Variants in AKAP7 observed in about 807,000 individuals in gnomAD.
AKAP7 encodes the protein A-kinase anchoring protein 7, also known as A kinase (PRKA) anchor protein 7.
In AKAP7, 39 loss-of-function variants were observed where a neutral mutation model predicts 39.5. That is an observed-to-expected ratio of 0.99 (90% CI 0.76 to 1.29). The LOEUF is 1.29. AKAP7 is among the 50% of genes most tolerant of loss of function. The pLI, the probability that AKAP7 is intolerant of heterozygous loss-of-function variation, is 0.00. For synonymous variants in AKAP7, 140 were observed against 139.1 expected, an observed-to-expected ratio of 1.01 and a Z score of -0.05; for missense variants, 414 against 407.7, an observed-to-expected ratio of 1.02 and a Z score of -0.13.
intron 5 of AKAP7, among the ~76,000 whole-genome samples, chr6:131,179,669 A>G (rs1337006338): frequency 6.6e-6 from 1 of 152,104 alleles, no homozygotes; most frequent in East Asian, 1.9e-4. Context: ...GCGGTTTAAG[A>G]CCAGCCTAGG....
At chr6:131,263,498 G>C (rs1813533081) in intron 7 of AKAP7, among the ~76,000 whole-genome samples, 1 of 152,222 alleles carries the variant, frequency 6.6e-6, no homozygotes, top group African/African-American at 2.4e-5. Context: ...CTGTGAGGCA[G>C]TATACACATT....
At chr6:131,193,155 C>T (rs1275682415) in intron 5 of AKAP7, among the ~76,000 whole-genome samples, 1 of 151,884 alleles carries the variant, frequency 6.6e-6, no homozygotes, top group Non-Finnish European at 1.5e-5. Context: ...TGTTATGTTC[C>T]AGATGTTAAG....
intron 7 of AKAP7, among the ~76,000 whole-genome samples, chr6:131,257,131 A>G (rs972360616): frequency 6.6e-6 from 1 of 152,132 alleles, no homozygotes; most frequent in Non-Finnish European, 1.5e-5. Flanking sequence ...GCTAATGCCT[A>G]TAAAATTCCT....
intron 5 of AKAP7, chr6:131,184,311 G>GA (rs1554207094): frequency 1.9e-6 from 1 of 531,348 alleles, no homozygotes. Context: ...TCGGGGAGCA[G>GA]GGGGGTGGCT....
At chr6:131,230,749 CCA>C (rs1810560472) in intron 7 of AKAP7, among the ~76,000 whole-genome samples, 1 of 151,928 alleles carries the variant, frequency 6.6e-6, no homozygotes, top group East Asian at 1.9e-4. Context: ...GAGAAAAGAT[CCA>C]TTAAAAATTC....
upstream of AKAP7, among the ~76,000 whole-genome samples, chr6:131,132,314 G>GAAAA (rs11307437): frequency 1.4e-5 from 2 of 143,424 alleles, no homozygotes. Flanking sequence ...TTCCGTCTCA[G>GAAAA]AAAAAAAAAA....
intron 7 of AKAP7, among the ~76,000 whole-genome samples, chr6:131,274,480 TTC>T (rs1193674202): frequency 1.3e-5 from 2 of 152,098 alleles, no homozygotes; most frequent in Non-Finnish European, 2.9e-5. Context: ...TCCTCATTGT[TTC>T]TCTTTTTATC....
At chr6:131,165,783 A>G (rs1025262856) in intron 4 of AKAP7, among the ~76,000 whole-genome samples, 17 of 152,116 alleles carry the variant, frequency 1.1e-4, no homozygotes, top group Non-Finnish European at 4.4e-5. Flanking sequence ...AAGGTTGAAG[A>G]CAACTCATTG....
chr6:131,230,279 A>G (rs1810524023), intron 7 of AKAP7, among the ~76,000 whole-genome samples: 1 of 152,084 alleles, frequency 6.6e-6, no homozygotes, highest in South Asian at 2.1e-4. Context: ...ACTTTTTATT[A>G]ATAGATATTC....
Position 131,199,570 on chromosome 6 carries a change from GA to G in AKAP7, c.701del (p.Asn234MetfsTer3), listed in dbSNP as rs754636604. The G allele has an allele frequency of 6.3e-7, 1 of 1,590,634 alleles. No homozygotes were observed. The highest frequency in any genetic ancestry group is 2.2e-5 in the East Asian group (1 of 44,784). ...KLSKSPWLRKNGVKKIDPDLY... is the reference protein window; with the variant it reads ...KLSKSPWLRKXGVKKIDPDLY... ...TGTCAAAATCACCGTGGCTCCGTAA[GA>G]ATGTGAGTGCATGTTCTTATTGCAA... On this transcript the variant is annotated frameshift_variant and splice_region_variant, in exon 6 of 8. Coordinates refer to ENST00000431975, the MANE Select transcript of AKAP7 (RefSeq NM_016377.4). LOFTEE classifies it high-confidence loss of function.
At chr6:131,267,877 C>T (rs752027730) in intron 7 of AKAP7, among the ~76,000 whole-genome samples, 1 of 152,110 alleles carries the variant, frequency 6.6e-6, no homozygotes, top group African/African-American at 2.4e-5. Flanking sequence ...TGTGTTTCTA[C>T]CTGTACTGAA....
chr6:131,178,753 C>T (rs747133932), intron 5 of AKAP7, among the ~76,000 whole-genome samples: 5 of 152,134 alleles, frequency 3.3e-5, no homozygotes, highest in Non-Finnish European at 7.4e-5. Flanking sequence ...TTTGACCTGT[C>T]TGGGAAACAC....
At chr6:131,254,099 A>G (rs1812664352) in intron 7 of AKAP7, among the ~76,000 whole-genome samples, 1 of 152,144 alleles carries the variant, frequency 6.6e-6, no homozygotes, top group Non-Finnish European at 1.5e-5. Flanking sequence ...TTTTTTGTTT[A>G]AATCTTGGAA....
chr6:131,205,307 G>A (rs1286055114), intron 6 of AKAP7, among the ~76,000 whole-genome samples: 1 of 151,818 alleles, frequency 6.6e-6, no homozygotes, highest in Non-Finnish European at 1.5e-5. Flanking sequence ...TGTTTATGAA[G>A]GTAAAACATC....
At chr6:131,217,858 G>A (rs1262317101) in intron 6 of AKAP7, among the ~76,000 whole-genome samples, 1 of 152,094 alleles carries the variant, frequency 6.6e-6, no homozygotes, top group African/African-American at 2.4e-5. Context: ...CTGTGTTATT[G>A]CCAGTCTTCT....
At chr6:131,166,937 G>A (rs1269581329) in intron 4 of AKAP7, among the ~76,000 whole-genome samples, 1 of 148,462 alleles carries the variant, frequency 6.7e-6, no homozygotes, top group African/African-American at 2.4e-5. Context: ...GATTGGATAT[G>A]GAATGTGCAG....
intron 5 of AKAP7, 84 bp downstream of exon 5, chr6:131,169,357 T>A (rs1285921019): frequency 2.7e-6 from 4 of 1,473,006 alleles, no homozygotes; most frequent in African/African-American, 1.4e-5. Context: ...TTGACATTTT[T>A]AAATTTTAAA....
At chr6:131,195,474 C>T (rs931915183) in intron 5 of AKAP7, among the ~76,000 whole-genome samples, 4 of 152,112 alleles carry the variant, frequency 2.6e-5, no homozygotes, top group East Asian at 3.9e-4. Flanking sequence ...TATACACCAC[C>T]GTTACAGTGT....
intron 3 of AKAP7, among the ~76,000 whole-genome samples, chr6:131,162,159 G>A (rs1803034699): frequency 6.6e-6 from 1 of 152,176 alleles, no homozygotes; most frequent in Non-Finnish European, 1.5e-5. Context: ...AGACTGATGG[G>A]ATGATGTGCT....
Sources: gnomAD v4.1 joint callset for allele counts (sites outside exome capture counted in the v4.1 genomes callset) on GRCh38, gnomAD v4.1.1 for gene constraint, MANE v1.5 for transcripts, NCBI Gene and HGNC (gene_info 2026-07-23, HGNC 2026-07-21) for gene names.